The following RPAP2 variants were observed in gnomAD, a reference collection of about 807,000 sequenced individuals.
RPAP2 encodes the protein RNA polymerase II associated protein 2.
A neutral mutation model predicts 73.1 loss-of-function variants in RPAP2; 52 were observed. That is an observed-to-expected ratio of 0.71 (90% CI 0.57 to 0.90). The LOEUF (loss-of-function observed/expected upper bound fraction) is 0.90. Among genes scored for constraint, RPAP2 ranks in the 40% least tolerant of loss-of-function variants. RPAP2 has a pLI of 0.00. For synonymous variants in RPAP2, 225 were observed against 242.1 expected, an observed-to-expected ratio of 0.93 and a Z score of 0.65; for missense variants, 598 against 701.8, an observed-to-expected ratio of 0.85 and a Z score of 1.67.
At chr1:92,316,473 G>A (rs1440035276) in intron 6 of RPAP2, among the ~76,000 whole-genome samples, 1 of 152,066 alleles carries the variant, frequency 6.6e-6, no homozygotes, top group African/African-American at 2.4e-5. Context: ...ATATAAATAT[G>A]TACATATATC....
chr1:92,331,251 C>A (rs1652948136), intron 8 of RPAP2, among the ~76,000 whole-genome samples: 1 of 152,112 alleles, frequency 6.6e-6, no homozygotes, highest in African/African-American at 2.4e-5. Flanking sequence ...CATTAACATT[C>A]TTGTATTAAT....
At chr1:92,357,019 T>C (rs1018230952) in intron 11 of RPAP2, among the ~76,000 whole-genome samples, 1 of 151,560 alleles carries the variant, frequency 6.6e-6, no homozygotes, top group Non-Finnish European at 1.5e-5. Context: ...TGAGCTGAGA[T>C]TGTGTCACTG....
At position 92,356,820 on chromosome 1, in the gene RPAP2, T is replaced by A. The variant is rs1227179627; in HGVS notation, c.1688+10906T>A. 5.3e-5 allele frequency among the ~76,000 whole-genome samples: 8 copies of A among 151,802 alleles called. 1 individual carries two copies. The South Asian group carries it at 1.5e-3, about 28-fold the overall frequency. ...GCTCACACCTGTAATCCCAGCACTT[T>A]GGGAGGCTAAGGCAGGTGGATCACT... On this transcript the variant is annotated intron_variant, in intron 11 of 12. Transcript: ENST00000610020.
chr1:92,390,732 A>G lies in RPAP2; in HGVS notation c.*3721A>G, dbSNP rs1656012632. The G allele has an allele frequency of 6.6e-6, 1 of 152,228 alleles. No homozygotes were observed. Among genetic ancestry groups the G allele is most frequent in the South Asian group, 2.1e-4 (1 of 4,832 alleles). The allele number at this position is 152,228 out of a possible 1,614,324, so 9.4% of individuals were successfully genotyped here. ...AAGCAAATGGAAAGCAGAAAAAAGCAGGGGTTGCAATCCTAGTCTCTGATA... is the reference window on the plus strand; with the variant it reads ...AAGCAAATGGAAAGCAGAAAAAAGCGGGGGTTGCAATCCTAGTCTCTGATA... On this transcript the variant is annotated 3_prime_UTR_variant, in exon 13 of 13. Transcript: ENST00000610020.
rs937559334 is a variant in RPAP2 at position 92,358,655 on chromosome 1, G to A, written c.1688+12741G>A. ...CAGGCTAAAGTGCAGTGGCACAGTC[G>A]CAGCTCACTAAAGCCTTAATCTCCT... On this transcript the variant is annotated intron_variant, in intron 11 of 12. Coordinates refer to ENST00000610020, the MANE Select transcript of RPAP2 (RefSeq NM_024813.3). Among the ~76,000 whole-genome samples the A allele has an allele frequency of 3.3e-5, 5 of 151,932 alleles. No individual in the cohort carries two copies. In the South Asian group the frequency reaches 6.3e-4, roughly 19 times the overall value.
chr1:92,347,229 C>G (rs1409637279), intron 11 of RPAP2, among the ~76,000 whole-genome samples: 1 of 152,168 alleles, frequency 6.6e-6, no homozygotes, highest in Non-Finnish European at 1.5e-5. Context: ...ATTCAGTGTT[C>G]CAGCTGAATT....
At chr1:92,357,662 C>G (rs1654542794) in intron 11 of RPAP2, among the ~76,000 whole-genome samples, 1 of 152,138 alleles carries the variant, frequency 6.6e-6, no homozygotes, top group African/African-American at 2.4e-5. Context: ...CTCATGAGTG[C>G]TGAAGACTAT....
intron 12 of RPAP2, among the ~76,000 whole-genome samples, chr1:92,381,795 G>C (rs975135287): frequency 6.6e-6 from 1 of 151,106 alleles, no homozygotes; most frequent in Non-Finnish European, 1.5e-5. Context: ...TATACTTTAA[G>C]TTTTAGGGTA....
chr1:92,334,902 G>A (rs1653185438), intron 9 of RPAP2, among the ~76,000 whole-genome samples: 1 of 152,048 alleles, frequency 6.6e-6, no homozygotes. Context: ...GCAGGAGAAT[G>A]GCCCGAACCC....
intron 7 of RPAP2, 125 bp from the exon 8 acceptor site, chr1:92,323,320 G>C (rs1652421215): frequency 3.7e-6 from 2 of 536,572 alleles, no homozygotes; most frequent in Non-Finnish European, 6.2e-6. Flanking sequence ...TTTGTCTGGG[G>C]AATAAAAATT....
At position 92,345,873 on chromosome 1, in the gene RPAP2, A is replaced by T; in HGVS notation, c.1647A>T (p.Lys549Asn). The T allele has an allele frequency of 1.2e-6, 2 of 1,604,884 alleles. No individual in the cohort carries two copies. Among genetic ancestry groups the T allele is most frequent in the South Asian group, 2.2e-5 (2 of 90,622 alleles). Reference protein sequence around the residue: ...FRLTNRNIIHKPAEWTLIAMV... With the variant: ...FRLTNRNIIHNPAEWTLIAMV... ...TAACAAATAGAAATATTATACACAAACCTGCGGAATGGACTTTAATTGCTA... is the reference window on the plus strand; with the variant it reads ...TAACAAATAGAAATATTATACACAATCCTGCGGAATGGACTTTAATTGCTA... Residue 549 changes from lysine to asparagine, a missense_variant, in exon 11 of 13, where the codon AAA becomes AAT. This residue lies in a region of RPAP2 where 506 missense variants were observed against 612.8 expected (regional missense o/e 0.83). Transcript: ENST00000610020.
intron 12 of RPAP2, among the ~76,000 whole-genome samples, chr1:92,381,832 C>T (rs560680973): frequency 2.6e-5 from 4 of 151,794 alleles, no homozygotes; most frequent in Non-Finnish European, 5.9e-5. Flanking sequence ...AGGTTTGCTA[C>T]ATATGTATAC....
Position 92,390,640 on chromosome 1 carries a change from C to T in RPAP2, c.*3629C>T, listed in dbSNP as rs1656011089. On this transcript the variant is annotated 3_prime_UTR_variant, in exon 13 of 13. Transcript: ENST00000610020. ...TCAAGACCCATCAGTGAGCTATATT[C>T]AGGAGACCCATCTCATGTGCAAAGA... The T allele has an allele frequency of 6.6e-6, 1 of 152,154 alleles. No individual in the cohort carries two copies. The highest frequency in any genetic ancestry group is 2.4e-5 in the African/African-American group (1 of 41,412). The allele number at this position is 152,154 out of a possible 1,614,324, so 9.4% of individuals were successfully genotyped here.
At chr1:92,359,806 G>A (rs1390838594) in intron 11 of RPAP2, among the ~76,000 whole-genome samples, 2 of 152,198 alleles carry the variant, frequency 1.3e-5, no homozygotes, top group African/African-American at 2.4e-5. Flanking sequence ...AATGGCAAGA[G>A]GCAGAGGATG....
rs765094851 is a variant in RPAP2 at position 92,333,457 on chromosome 1, GA to G, written c.1526del (p.Lys509SerfsTer2). The stretch of plus-strand genomic sequence containing the variant: ...CCAGATTAGAAAACGCATCGTACTT[GA>G]AAAGTTGAGTAAAGTGTAAGTATGT... ...QNQIRKRIVLEKLSKVLPGLL... is the reference protein window; with the variant it reads ...QNQIRKRIVLXKLSKVLPGLL... On this transcript the variant is annotated frameshift_variant, in exon 9 of 13. Transcript: ENST00000610020. LOFTEE classifies it high-confidence loss of function. The G allele has an allele frequency of 6.2e-7, 1 of 1,612,564 alleles. No homozygotes were observed. Among genetic ancestry groups the G allele is most frequent in the East Asian group, 2.2e-5 (1 of 44,802 alleles).
intron 2 of RPAP2, 78 bp from the exon 3 acceptor site, chr1:92,301,397 AG>A (rs1157895102): frequency 1.7e-6 from 1 of 578,984 alleles, no homozygotes; most frequent in Non-Finnish European, 2.9e-6. Flanking sequence ...ATAGTGAGTT[AG>A]GTTAGTATTG....
At position 92,321,474 on chromosome 1, in the gene RPAP2, A is replaced by G. The variant is rs552163343; in HGVS notation, c.524+840A>G. Reference sequence around the variant, plus strand: ...TTGCTTTCAACTTTTATATATATATATATTTTTTTCTTTACATTTCCCCAC... The same window carrying G: ...TTGCTTTCAACTTTTATATATATATGTATTTTTTTCTTTACATTTCCCCAC... On this transcript the variant is annotated intron_variant, in intron 7 of 12. Transcript: ENST00000610020. Among the ~76,000 whole-genome samples, 20 of 151,816 alleles carry G rather than the reference A, an allele frequency of 1.3e-4. No homozygotes were observed. In the East Asian group the frequency reaches 3.5e-3, roughly 26 times the overall value.
chr1:92,331,809 TTC>T (rs1275827220), intron 8 of RPAP2, among the ~76,000 whole-genome samples: 2 of 152,198 alleles, frequency 1.3e-5, no homozygotes, highest in Non-Finnish European at 2.9e-5. Context: ...AAGAATATAC[TTC>T]TCTTAGTATC....
intron 6 of RPAP2, among the ~76,000 whole-genome samples, chr1:92,308,911 G>A (rs1651405956): frequency 6.6e-6 from 1 of 152,110 alleles, no homozygotes; most frequent in Non-Finnish European, 1.5e-5. Context: ...AGTGAGCCAA[G>A]ATCGTGCTGC....
Sources: allele counts gnomAD v4.1 joint callset (sites outside exome capture counted in the v4.1 genomes callset), GRCh38; gene constraint gnomAD v4.1.1; regional missense constraint gnomAD v4.1.1; transcripts MANE v1.5; gene names NCBI Gene and HGNC (gene_info 2026-07-23, HGNC 2026-07-21).